SYNE1: variants seen among roughly 807,000 people sequenced by gnomAD.
The protein encoded by SYNE1 is nesprin-1.
SYNE1 carries 616 observed loss-of-function variants against 1,111.0 expected under a neutral mutation model. The observed-to-expected ratio is 0.55, with a 90% CI of 0.52 to 0.59. SYNE1 has a LOEUF of 0.59. Among genes scored for constraint, SYNE1 ranks in the 20% least tolerant of loss-of-function variants. The pLI, the probability that SYNE1 is intolerant of heterozygous loss-of-function variation, is 0.00. For synonymous variants in SYNE1, 3,855 were observed against 3,825.8 expected (o/e 1.01, Z -0.28); for missense variants, 10,006 against 10,417.0 (o/e 0.96, Z 1.72).
intron 73 of SYNE1, among the ~76,000 whole-genome samples, chr6:152,344,515 T>A (rs1044495288): frequency 6.6e-6 from 1 of 152,222 alleles, no homozygotes; most frequent in Non-Finnish European, 1.5e-5. Context: ...CTAGAATACA[T>A]AAAATCATTG....
intron 131 of SYNE1, among the ~76,000 whole-genome samples, chr6:152,163,784 G>A (rs1457018052): frequency 6.6e-6 from 1 of 152,150 alleles, no homozygotes; most frequent in East Asian, 1.9e-4. Context: ...CGGGGGCAGG[G>A]GGGCTCCTTT....
chr6:152,585,775 T>C (rs532784081), intron 3 of SYNE1, among the ~76,000 whole-genome samples: 27 of 152,342 alleles, frequency 1.8e-4, no homozygotes, highest in Admixed American at 2.6e-4. Context: ...AATAGTTCTA[T>C]GGTTTCATCT....
At chr6:152,530,087 C>T (rs1432702823) in intron 4 of SYNE1, among the ~76,000 whole-genome samples, 1 of 152,140 alleles carries the variant, frequency 6.6e-6, no homozygotes, top group African/African-American at 2.4e-5. Flanking sequence ...GCAGAATATT[C>T]CAAGGGCTCA....
At chr6:152,592,461 G>GTT (rs2099569760) in intron 3 of SYNE1, among the ~76,000 whole-genome samples, 1 of 152,034 alleles carries the variant, frequency 6.6e-6, no homozygotes, top group Non-Finnish European at 1.5e-5. Flanking sequence ...AATTAACACA[G>GTT]GAATAGAAAA....
chr6:152,625,839 T>C (rs990305456), intron 3 of SYNE1, among the ~76,000 whole-genome samples: 1 of 152,232 alleles, frequency 6.6e-6, no homozygotes, highest in Admixed American at 6.5e-5. Context: ...TCCATGACTA[T>C]TTGAATGGCT....
intron 63 of SYNE1, chr6:152,363,641 A>G (rs2096990079): frequency 2.5e-6 from 1 of 393,700 alleles, no homozygotes; most frequent in Admixed American, 2.8e-5. Flanking sequence ...ATCCATCCAC[A>G]CCCCCGGATC....
intron 49 of SYNE1, among the ~76,000 whole-genome samples, chr6:152,397,882 T>A (rs531483141): frequency 6.6e-6 from 1 of 151,606 alleles, no homozygotes; most frequent in Non-Finnish European, 1.5e-5. Flanking sequence ...ACACCTGTAA[T>A]CCCAGCTACT....
intron 4 of SYNE1, among the ~76,000 whole-genome samples, chr6:152,530,690 C>T (rs529208304): frequency 1.3e-5 from 2 of 150,416 alleles, no homozygotes; most frequent in Admixed American, 1.3e-4. Flanking sequence ...GGCACAATCT[C>T]GGCTCACTGC....
chr6:152,188,984 A>ATATATAT (rs1329296361), intron 128 of SYNE1, among the ~76,000 whole-genome samples: 4 of 23,004 alleles, frequency 1.7e-4, no homozygotes, highest in Non-Finnish European at 3.2e-4. Context: ...AAAAAAAAAA[A>ATATATAT]ATATATATAT....
chr6:152,533,439 G>A (rs2099215583), intron 4 of SYNE1, among the ~76,000 whole-genome samples: 1 of 151,994 alleles, frequency 6.6e-6, no homozygotes, highest in Admixed American at 6.6e-5. Flanking sequence ...AAGCATTATT[G>A]TACCAAGTTA....
rs140589079 is a variant in SYNE1 at position 152,492,869 on chromosome 6, C to T, written c.940-4366G>A. The stretch of plus-strand genomic sequence containing the variant: ...ACTGTTGTGGATATTGATGGCCAGG[C>T]TGCTGGGCCCTTTAAAACTCCCCCA... On this transcript the variant is annotated intron_variant, in intron 11 of 145. Transcript: ENST00000367255. Among the ~76,000 whole-genome samples the T allele has an allele frequency of 4.5e-3, 683 of 152,282 alleles. 2 individuals carry two copies. Among genetic ancestry groups the T allele is most frequent in the African/African-American group, 0.016 (659 of 41,554 alleles).
In SYNE1 at chr6:152,449,543, C is replaced by G. The variant is rs201354687; in HGVS notation, c.3494G>C (p.Arg1165Pro). 2.5e-6 allele frequency: 4 copies of G among 1,613,730 alleles called. No individual in the cohort carries two copies. The highest frequency in any genetic ancestry group is 1.1e-5 in the South Asian group (1 of 91,062). The change falls in exon 28 of 146, where the codon CGT becomes CCT. Residue 1165 changes from arginine to proline, a missense_variant. Physicochemically the swap from Arg to Pro is moderately radical, Grantham distance 103 (BLOSUM62 -2). Coordinates refer to ENST00000367255, the MANE Select transcript of SYNE1 (RefSeq NM_182961.4). Reference sequence around the variant, plus strand: ...TGACCCTGAACTTACTTCAACGGCACGTTTAACCTCTCCGTGGTTGGCAGT... The same window carrying G: ...TGACCCTGAACTTACTTCAACGGCAGGTTTAACCTCTCCGTGGTTGGCAGT... ...IDTANHGEVK[R>P]AVEEIRNGVT...
intron 130 of SYNE1, among the ~76,000 whole-genome samples, chr6:152,165,292 C>T (rs1253448836): frequency 1.3e-5 from 2 of 152,268 alleles, no homozygotes; most frequent in African/African-American, 4.8e-5. Flanking sequence ...TTTTTAGTTG[C>T]TTAAAATTGT....
At chr6:152,534,499 T>C (rs1008213377) in intron 4 of SYNE1, among the ~76,000 whole-genome samples, 8 of 152,188 alleles carry the variant, frequency 5.3e-5, no homozygotes, top group Admixed American at 5.2e-4. Context: ...ATAAAAATTG[T>C]ATATATTTGT....
At chr6:152,466,198 T>C (rs909303809) in intron 16 of SYNE1, 120 bp from the exon 17 acceptor site, 12 of 662,914 alleles carry the variant, frequency 1.8e-5, no homozygotes, top group East Asian at 5.5e-5. Context: ...CTCAGTCTTC[T>C]TGAAAACATA....
chr6:152,336,543 G>A (rs147129966), intron 76 of SYNE1: 29 of 436,398 alleles, frequency 6.6e-5, no homozygotes, highest in African/African-American at 4.0e-4. Context: ...CCTTGCATGC[G>A]CAGTTCACAG....
intron 8 of SYNE1, among the ~76,000 whole-genome samples, chr6:152,508,974 T>G (rs1052578249): frequency 6.6e-6 from 1 of 152,204 alleles, no homozygotes; most frequent in African/African-American, 2.4e-5. Context: ...GAACTCCCTA[T>G]GTTTAGTACC....
rs766003620 is a variant in SYNE1 at position 152,353,317 on chromosome 6, G to C, written c.11199C>G (p.Thr3733=). 8 of 1,613,978 alleles carry C rather than the reference G, an allele frequency of 5.0e-6. No homozygotes were observed. In the East Asian group the frequency reaches 1.8e-4, roughly 36 times the overall value. Residue 3733 remains threonine, a synonymous_variant, in exon 69 of 146, where the codon ACC becomes ACG. Transcript: ENST00000367255. The part of the protein sequence containing the change: ...STHKNFKNVA[T]KIDKVDTVMM... The stretch of plus-strand genomic sequence containing the variant: ...TTACTGTATCTACTTTGTCAATCTT[G>C]GTAGCCACATTCTTGAAGTTTTTAT...
At chr6:152,247,891 T>C (rs180959842) in intron 105 of SYNE1, among the ~76,000 whole-genome samples, 13 of 147,364 alleles carry the variant, frequency 8.8e-5, no homozygotes, top group South Asian at 8.7e-4. Flanking sequence ...CACACACACA[T>C]ATTATATGTC....
Sources: allele counts gnomAD v4.1 joint callset (sites outside exome capture counted in the v4.1 genomes callset), GRCh38; gene constraint gnomAD v4.1.1; transcripts MANE v1.5; gene names NCBI Gene and HGNC (gene_info 2026-07-23, HGNC 2026-07-21).